The following SEH1L variants were observed in gnomAD, a reference collection of about 807,000 sequenced individuals.
SEH1L encodes nucleoporin SEH1.
Under a neutral mutation model 49.5 loss-of-function variants are expected in SEH1L, and 18 were observed. The observed-to-expected ratio is 0.36, with a 90% CI of 0.25 to 0.54. SEH1L has a LOEUF of 0.54. Ranked by LOEUF, SEH1L falls within the 20% of genes least tolerant of loss-of-function variation. The probability of loss-of-function intolerance (pLI) is 0.87; values close to 1 mark genes in which losing one functional copy is unlikely to be tolerated. For synonymous variants in SEH1L, 169 were observed against 178.1 expected (o/e 0.95, Z 0.41); for missense variants, 404 against 528.8 (o/e 0.76, Z 2.31).
At chr18:12,978,502 C>T (rs2032019080) in intron 5 of SEH1L, 1 of 369,292 alleles carries the variant, frequency 2.7e-6, no homozygotes, top group South Asian at 6.9e-5. Flanking sequence ...TTAGGACCCA[C>T]CCTAAATCTC....
At chr18:12,986,814 C>CTTTT in intron 8 of SEH1L, 48 bp from the exon 9 acceptor site, 2 of 913,812 alleles carry the variant, frequency 2.2e-6, no homozygotes, top group South Asian at 4.9e-5. Flanking sequence ...TTTTTTTTTT[C>CTTTT]CTGTTTTTGT....
chr18:12,961,426 CT>C (rs2031171734), intron 3 of SEH1L, among the ~76,000 whole-genome samples: 1 of 152,156 alleles, frequency 6.6e-6, no homozygotes, highest in African/African-American at 2.4e-5. Context: ...CTGATGGTTG[CT>C]TGACATTCCT....
intron 8 of SEH1L, chr18:12,985,360 A>G: frequency 1.3e-6 from 2 of 1,524,072 alleles, no homozygotes; most frequent in Non-Finnish European, 1.8e-6. Context: ...ACCTCTCCCA[A>G]GATACACCAG....
At chr18:12,985,398 A>T (rs2032424199) in intron 8 of SEH1L, 1 of 1,375,884 alleles carries the variant, frequency 7.3e-7, no homozygotes, top group African/African-American at 1.5e-5. Context: ...AACGCAATCC[A>T]AAAGGCCTTT....
intron 1 of SEH1L, 177 bp downstream of exon 1, chr18:12,948,409 C>G (rs1266644326): frequency 2.0e-6 from 1 of 493,806 alleles, no homozygotes; most frequent in African/African-American, 2.0e-5. Context: ...TGTGGGGTCA[C>G]GGCGGCCTCG....
chr18:12,957,249 G>A (rs956742743), intron 3 of SEH1L, among the ~76,000 whole-genome samples: 1 of 151,882 alleles, frequency 6.6e-6, no homozygotes, highest in African/African-American at 2.4e-5. Context: ...CCAACATGGA[G>A]AAACTCCCCC....
At chr18:12,957,300 T>TG (rs2030925557) in intron 3 of SEH1L, among the ~76,000 whole-genome samples, 1 of 150,260 alleles carries the variant, frequency 6.7e-6, no homozygotes, top group Admixed American at 6.7e-5. Context: ...TGGTGGCACA[T>TG]GCCTGTAATC....
chr18:12,986,723 A>C, intron 8 of SEH1L, 139 bp from the exon 9 acceptor site: 2 of 1,296,332 alleles, frequency 1.5e-6, no homozygotes, highest in Non-Finnish European at 2.0e-6. Flanking sequence ...TGAATATACT[A>C]AAGCTTTTTT....
chr18:12,986,200 C>T (rs1354233499), intron 8 of SEH1L: 8 of 985,212 alleles, frequency 8.1e-6, no homozygotes, highest in African/African-American at 3.5e-5. Flanking sequence ...ACCTTGATAA[C>T]AAAGCTATAA....
chr18:12,961,712 C>T (rs936310793), intron 3 of SEH1L, among the ~76,000 whole-genome samples: 1 of 152,122 alleles, frequency 6.6e-6, no homozygotes, highest in African/African-American at 2.4e-5. Flanking sequence ...TGCCACCCAG[C>T]CTGGTGTGCA....
intron 1 of SEH1L, chr18:12,948,851 T>C (rs892420945): frequency 1.4e-5 from 2 of 147,858 alleles, no homozygotes; most frequent in African/African-American, 4.9e-5. Flanking sequence ...TTCTTTTCTT[T>C]TTTTTTTTTT....
intron 3 of SEH1L, among the ~76,000 whole-genome samples, chr18:12,956,411 C>T (rs1161038294): frequency 2.7e-5 from 4 of 150,286 alleles, no homozygotes; most frequent in Non-Finnish European, 5.9e-5. Flanking sequence ...TCAGGATGGG[C>T]CCATGTCACA....
intron 1 of SEH1L, among the ~76,000 whole-genome samples, chr18:12,949,816 A>G (rs1257375437): frequency 6.6e-6 from 1 of 152,004 alleles, no homozygotes; most frequent in Non-Finnish European, 1.5e-5. Context: ...ATTTTTGTGC[A>G]GCGTCGCCCC....
intron 6 of SEH1L, 87 bp downstream of exon 6, chr18:12,978,979 G>A (rs1315954484): frequency 3.2e-6 from 4 of 1,251,802 alleles, no homozygotes; most frequent in Non-Finnish European, 4.5e-6. Flanking sequence ...AGGTAACTAT[G>A]ATTTGGTTTA....
At chr18:12,979,925 T>C (rs1598976332) in intron 6 of SEH1L, among the ~76,000 whole-genome samples, 1 of 121,994 alleles carries the variant, frequency 8.2e-6, no homozygotes, top group Non-Finnish European at 1.7e-5. Context: ...GCAGAGGGGC[T>C]CCTCACTTCC....
At chr18:12,981,617 T>C (rs2145667321) in intron 6 of SEH1L, among the ~76,000 whole-genome samples, 1 of 152,302 alleles carries the variant, frequency 6.6e-6, no homozygotes, top group African/African-American at 2.4e-5. Flanking sequence ...GGGAATTGAG[T>C]CAAGAGCAGA....
chr18:12,948,126 T>G lies in SEH1L; in HGVS notation c.5T>G (p.Phe2Cys). The change falls in exon 1 of 9, where the codon TTT becomes TGT. Residue 2 changes from phenylalanine (F) to cysteine (C), a missense_variant. By Grantham distance (205) the Phe-to-Cys change is radical. Around this residue, in one of 3 missense-constraint regions of SEH1L, gnomAD observed 57 missense variants for 71.9 expected, o/e 0.79. Coordinates refer to ENST00000399892, the MANE Select transcript of SEH1L (RefSeq NM_001013437.2). M[F>C]VARSIAADHK... ...GGCGCGGGCCCGACGGAAACCATGT[T>G]TGTGGCTCGCAGCATCGCGGCGGAC... is the stretch of plus-strand genomic sequence containing the variant. The G allele has an allele frequency of 4.4e-6, 7 of 1,605,578 alleles. No homozygotes were observed. The highest frequency in any genetic ancestry group is 5.9e-6 in the Non-Finnish European group (7 of 1,177,114).
intron 1 of SEH1L, chr18:12,948,433 C>G: frequency 2.2e-6 from 1 of 456,334 alleles, no homozygotes; most frequent in Non-Finnish European, 3.9e-6. Flanking sequence ...GCCGCCCTCC[C>G]GTGCGCCTGC....
At position 12,952,054 on chromosome 18, in the gene SEH1L, A is replaced by T; in HGVS notation, c.162+149A>T. 8.6e-6 allele frequency: 4 copies of T among 467,296 alleles called. No homozygotes were observed. The South Asian group carries it at 1.2e-4, about 14-fold the overall frequency. The allele number at this position is 467,296 out of a possible 1,614,324, so 28.9% of individuals were successfully genotyped here. ...TACTGTTTTTCGCTATTAAAGTAAC[A>T]ACTGTGTTTCTCAGAATTTGAGAGT... On this transcript the variant is annotated intron_variant, in intron 2 of 8. Transcript: ENST00000399892.
Sources: allele counts gnomAD v4.1 joint callset (sites outside exome capture counted in the v4.1 genomes callset), GRCh38; gene constraint gnomAD v4.1.1; regional missense constraint gnomAD v4.1.1; transcripts MANE v1.5; gene names NCBI Gene and HGNC (gene_info 2026-07-23, HGNC 2026-07-21).